GRID2: variants seen among roughly 807,000 people sequenced by gnomAD.
GRID2 encodes glutamate receptor ionotropic, delta-2.
A neutral mutation model predicts 114.8 loss-of-function variants in GRID2; 33 were observed. That is an observed-to-expected ratio of 0.29 (90% confidence interval 0.22 to 0.38). The LOEUF (loss-of-function observed/expected upper bound fraction) is 0.38. GRID2 is among the 10% of genes least tolerant of loss of function. The pLI is 1.00. For synonymous variants in GRID2, 505 were observed against 449.9 expected (o/e 1.12, Z -1.55); for missense variants, 1,184 against 1,257.7 (o/e 0.94, Z 0.89).
intron 1 of GRID2, among the ~76,000 whole-genome samples, chr4:92,427,487 C>G (rs779970396): frequency 1.3e-5 from 2 of 152,094 alleles, no homozygotes; most frequent in Non-Finnish European, 2.9e-5. Context: ...CAGTCCATCT[C>G]AGATGTTATA....
rs888049320 is a variant in GRID2, at chr4:92,439,696, CAGA to C, written c.88+134955_88+134957del. Among the ~76,000 whole-genome samples, 11 of 145,582 alleles carry C rather than the reference CAGA, an allele frequency of 7.6e-5. 1 individual carries two copies. The highest frequency in any genetic ancestry group is 2.2e-4 in the African/African-American group (9 of 40,862). On this transcript the variant is annotated intron_variant, in intron 1 of 15. Transcript: ENST00000282020. Reference sequence around the variant, plus strand: ...CGAATTGAAAAACTAAATGGAATAACAGAAGGAGAAAAACAGGCATAAAAGGTT... The same window carrying C: ...CGAATTGAAAAACTAAATGGAATAACAGGAGAAAAACAGGCATAAAAGGTT...
chr4:92,682,257 T>C (rs934514757), intron 2 of GRID2, among the ~76,000 whole-genome samples: 1 of 152,130 alleles, frequency 6.6e-6, no homozygotes, highest in Non-Finnish European at 1.5e-5. Flanking sequence ...ACACCTTTCT[T>C]ATTAATAGAG....
chr4:93,648,810 C>A (rs1722337656), intron 14 of GRID2, among the ~76,000 whole-genome samples: 1 of 152,104 alleles, frequency 6.6e-6, no homozygotes, highest in African/African-American at 2.4e-5. Flanking sequence ...CTTATTCTCT[C>A]CCTTGTATCT....
chr4:92,861,518 A>G (rs1744533271), intron 2 of GRID2, among the ~76,000 whole-genome samples: 1 of 152,074 alleles, frequency 6.6e-6, no homozygotes, highest in African/African-American at 2.4e-5. Flanking sequence ...GGTTAACCAT[A>G]GCTGTCACAG....
intron 1 of GRID2, among the ~76,000 whole-genome samples, chr4:92,492,309 G>A (rs941302438): frequency 2.0e-5 from 3 of 152,154 alleles, no homozygotes; most frequent in African/African-American, 7.2e-5. Flanking sequence ...TTCTTTCTTG[G>A]TAAAATAGTC....
chr4:92,630,769 G>A (rs1376384634), intron 2 of GRID2, among the ~76,000 whole-genome samples: 1 of 151,974 alleles, frequency 6.6e-6, no homozygotes, highest in African/African-American at 2.4e-5. Flanking sequence ...GAGTGAAGTA[G>A]GAAGAAAATA....
At chr4:93,619,734 G>T (rs1578414746) in intron 13 of GRID2, among the ~76,000 whole-genome samples, 1 of 152,166 alleles carries the variant, frequency 6.6e-6, no homozygotes, top group Non-Finnish European at 1.5e-5. Context: ...TTTTTCCAAT[G>T]ATCTTGAGAA....
At chr4:93,124,441 G>A (rs1734092394) in intron 4 of GRID2, among the ~76,000 whole-genome samples, 1 of 152,064 alleles carries the variant, frequency 6.6e-6, no homozygotes, top group Non-Finnish European at 1.5e-5. Context: ...GTACATAAAT[G>A]GCAAATACAT....
At chr4:92,783,906 T>C (rs1739201942) in intron 2 of GRID2, among the ~76,000 whole-genome samples, 1 of 151,916 alleles carries the variant, frequency 6.6e-6, no homozygotes, top group Non-Finnish European at 1.5e-5. Flanking sequence ...AAAAAGTCTA[T>C]AACTTCAACT....
intron 4 of GRID2, among the ~76,000 whole-genome samples, chr4:93,158,160 C>A (rs949920726): frequency 1.3e-5 from 2 of 151,734 alleles, no homozygotes. Context: ...TGTCATTTTG[C>A]AGACTTTTCT....
chr4:93,660,358 C>T (rs1723380634), intron 14 of GRID2, among the ~76,000 whole-genome samples: 2 of 152,018 alleles, frequency 1.3e-5, no homozygotes, highest in African/African-American at 2.4e-5. Flanking sequence ...TTTTATATTA[C>T]AGGTGCTTGA....
chr4:92,572,669 A>C (rs1461569950), intron 1 of GRID2, among the ~76,000 whole-genome samples: 1 of 152,146 alleles, frequency 6.6e-6, no homozygotes, highest in Non-Finnish European at 1.5e-5. Flanking sequence ...CCATCCTTGC[A>C]TCCTACTTGA....
At chr4:93,582,451 A>G (rs534259963) in intron 13 of GRID2, among the ~76,000 whole-genome samples, 1 of 152,276 alleles carries the variant, frequency 6.6e-6, no homozygotes, top group South Asian at 2.1e-4. Context: ...ATTGGAAGGT[A>G]GACATATTGG....
intron 2 of GRID2, among the ~76,000 whole-genome samples, chr4:92,988,619 A>G (rs2149199381): frequency 6.6e-6 from 1 of 152,196 alleles, no homozygotes; most frequent in African/African-American, 2.4e-5. Flanking sequence ...GGTATTTATT[A>G]CATTTTAACT....
intron 1 of GRID2, among the ~76,000 whole-genome samples, chr4:92,530,443 A>G (rs986195741): frequency 2.7e-5 from 4 of 150,298 alleles, no homozygotes; most frequent in African/African-American, 9.8e-5. Flanking sequence ...TTACCAACTT[A>G]TGGAAAATAG....
chr4:93,726,318 G>C (rs531611584), intron 14 of GRID2, among the ~76,000 whole-genome samples: 5 of 152,192 alleles, frequency 3.3e-5, no homozygotes, highest in Non-Finnish European at 4.4e-5. Flanking sequence ...TATTTCTGAG[G>C]GCTCTGTTCT....
In GRID2 at chr4:92,529,274, T is replaced by TGA. The variant is rs548524431; in HGVS notation, c.89-60840_89-60839dup. Among the ~76,000 whole-genome samples the TGA allele has an allele frequency of 3.2e-4, 48 of 150,242 alleles. No homozygotes were observed. In the East Asian group the frequency reaches 3.5e-3, roughly 11 times the overall value. On this transcript the variant is annotated intron_variant, in intron 1 of 15. Coordinates refer to ENST00000282020, the MANE Select transcript of GRID2 (RefSeq NM_001510.4). ...TGTTTTTGAAGCGCTTACAATGTAG[T>TGA]GAGAGAGAGAGAGAGAGAATGACAA...
At chr4:93,258,250 T>G (rs1441162987) in intron 8 of GRID2, among the ~76,000 whole-genome samples, 5 of 150,984 alleles carry the variant, frequency 3.3e-5, no homozygotes, top group Non-Finnish European at 1.5e-5. Flanking sequence ...ATAAATTGGA[T>G]GGAAATAAAA....
At chr4:92,710,061 A>G (rs775909858) in intron 2 of GRID2, among the ~76,000 whole-genome samples, 12 of 152,130 alleles carry the variant, frequency 7.9e-5, no homozygotes, top group Non-Finnish European at 1.5e-4. Flanking sequence ...TTTGACATAC[A>G]GTTTATATTA....
Sources: gnomAD v4.1 joint callset for allele counts (sites outside exome capture counted in the v4.1 genomes callset) on GRCh38, gnomAD v4.1.1 for gene constraint, MANE v1.5 for transcripts, NCBI Gene and HGNC (gene_info 2026-07-23, HGNC 2026-07-21) for gene names.